The following NOL10 variants were observed in gnomAD, a reference collection of about 807,000 sequenced individuals.
NOL10 encodes the protein H_NH0074G24.1.
In NOL10, 58 loss-of-function variants were observed where a neutral mutation model predicts 103.5. That is an observed-to-expected ratio of 0.56 (90% CI 0.45 to 0.70). The LOEUF (loss-of-function observed/expected upper bound fraction) is 0.70. Among genes scored for constraint, NOL10 ranks in the 30% least tolerant of loss-of-function variants. The pLI, the probability that NOL10 is intolerant of heterozygous loss-of-function variation, is 0.00. For missense variants in NOL10, 763 were observed against 807.3 expected (o/e 0.95, Z 0.67); for synonymous variants, 287 against 282.5 (o/e 1.02, Z -0.16).
intron 13 of NOL10, among the ~76,000 whole-genome samples, chr2:10,638,734 G>A (rs1365651722): frequency 3.4e-5 from 5 of 145,456 alleles, no homozygotes; most frequent in Admixed American, 1.4e-4. Flanking sequence ...CTCGTGATCC[G>A]CCCGCCTTGG....
chr2:10,649,783 A>G (rs745914291), intron 12 of NOL10, among the ~76,000 whole-genome samples: 14 of 152,202 alleles, frequency 9.2e-5, no homozygotes, highest in Non-Finnish European at 1.5e-4. Flanking sequence ...CCTCTGCCAC[A>G]GTGCTGCAAA....
intron 11 of NOL10, among the ~76,000 whole-genome samples, chr2:10,656,789 C>T (rs1371288295): frequency 6.6e-6 from 1 of 152,204 alleles, no homozygotes; most frequent in East Asian, 1.9e-4. Flanking sequence ...TGTTTTTAAA[C>T]TAAAAATGCT....
At chr2:10,679,901 G>A (rs987158491) in intron 3 of NOL10, among the ~76,000 whole-genome samples, 1 of 152,052 alleles carries the variant, frequency 6.6e-6, no homozygotes, top group Non-Finnish European at 1.5e-5. Context: ...GACTACAGGT[G>A]TGAGCCACCC....
chr2:10,608,375 A>G (rs747871334), intron 13 of NOL10, among the ~76,000 whole-genome samples: 7 of 152,240 alleles, frequency 4.6e-5, no homozygotes, highest in Non-Finnish European at 7.3e-5. Context: ...TTCATAAAAT[A>G]CTATGATCAC....
intron 13 of NOL10, among the ~76,000 whole-genome samples, chr2:10,629,709 C>T (rs1177396411): frequency 6.6e-6 from 1 of 152,210 alleles, no homozygotes; most frequent in Non-Finnish European, 1.5e-5. Context: ...AGACCTCTCT[C>T]AATCTATATC....
chr2:10,607,875 CTTTCT>C (rs954988823), intron 13 of NOL10, among the ~76,000 whole-genome samples: 9 of 151,710 alleles, frequency 5.9e-5, no homozygotes, highest in African/African-American at 1.7e-4. Context: ...CCCAAAATTA[CTTTCT>C]TTTAAGATTT....
At chr2:10,611,640 G>A (rs1335687245) in intron 13 of NOL10, among the ~76,000 whole-genome samples, 1 of 152,048 alleles carries the variant, frequency 6.6e-6, no homozygotes, top group African/African-American at 2.4e-5. Context: ...TGTTGGCCAG[G>A]CACAGTGGCT....
intron 12 of NOL10, among the ~76,000 whole-genome samples, chr2:10,651,561 T>C (rs75237471): frequency 0.011 from 1,663 of 152,310 alleles, 19 homozygotes; most frequent in Middle Eastern, 0.02. Context: ...ATCCAATGTA[T>C]ATTTTATACT....
intron 8 of NOL10, among the ~76,000 whole-genome samples, chr2:10,665,950 A>G (rs965412160): frequency 6.6e-6 from 1 of 152,154 alleles, no homozygotes; most frequent in African/African-American, 2.4e-5. Flanking sequence ...TATATTGCAT[A>G]ATGCTGAGGT....
At chr2:10,587,969 C>A (rs187466719) in intron 19 of NOL10, among the ~76,000 whole-genome samples, 78 of 152,284 alleles carry the variant, frequency 5.1e-4, no homozygotes, top group Non-Finnish European at 9.6e-4. Flanking sequence ...TCTTGCTCCA[C>A]CTCAAGACTG....
chr2:10,672,707 G>C (rs554991485), intron 5 of NOL10, among the ~76,000 whole-genome samples: 1 of 152,168 alleles, frequency 6.6e-6, no homozygotes, highest in African/African-American at 2.4e-5. Context: ...AGAGTTGAAA[G>C]ATGGGTCGGG....
In NOL10 at chr2:10,602,886, GAA is replaced by G. The variant is rs750447636; in HGVS notation, c.1234-14_1234-13del. ...ACCATCAGTTTCACCTTTTCAAAATGAAAAAAGTTTTTAAAATAAAAGAATGG... is the reference window on the plus strand; with the variant it reads ...ACCATCAGTTTCACCTTTTCAAAATGAAAAGTTTTTAAAATAAAAGAATGG... On this transcript the variant is annotated splice_polypyrimidine_tract_variant and intron_variant, in intron 15 of 20. Transcript: ENST00000381685. 149 of 1,556,820 alleles carry G rather than the reference GAA, an allele frequency of 9.6e-5. No individual in the cohort carries two copies. Among genetic ancestry groups the G allele is most frequent in the Middle Eastern group, 1.7e-4 (1 of 5,860 alleles).
At chr2:10,682,931 C>T (rs1681884485) in intron 2 of NOL10, among the ~76,000 whole-genome samples, 2 of 152,116 alleles carry the variant, frequency 1.3e-5, no homozygotes, top group Middle Eastern at 3.4e-3. Context: ...GCTACAGGCA[C>T]GCACCACCAT....
intron 13 of NOL10, among the ~76,000 whole-genome samples, chr2:10,637,218 C>CAA (rs1489284032): frequency 2.9e-4 from 36 of 122,506 alleles, no homozygotes; most frequent in African/African-American, 1.0e-3. Flanking sequence ...AAAAAACACA[C>CAA]ACACACACTA....
chr2:10,587,106 T>C (rs1458226576), intron 19 of NOL10, among the ~76,000 whole-genome samples: 1 of 46,938 alleles, frequency 2.1e-5, no homozygotes, highest in South Asian at 4.4e-4. Flanking sequence ...TACACATATA[T>C]ATACATATAT....
chr2:10,636,438 A>C (rs897888040), intron 13 of NOL10, among the ~76,000 whole-genome samples: 1 of 150,172 alleles, frequency 6.7e-6, no homozygotes, highest in Admixed American at 6.6e-5. Context: ...AAAAAAAAAA[A>C]AAAAAAAACA....
At chr2:10,613,194 G>C (rs940171772) in intron 13 of NOL10, among the ~76,000 whole-genome samples, 1 of 152,030 alleles carries the variant, frequency 6.6e-6, no homozygotes, top group Non-Finnish European at 1.5e-5. Flanking sequence ...TATGTTCCAA[G>C]TACAGTATAC....
chr2:10,623,053 A>G (rs971688824), intron 13 of NOL10, among the ~76,000 whole-genome samples: 1 of 151,916 alleles, frequency 6.6e-6, no homozygotes, highest in Non-Finnish European at 1.5e-5. Context: ...ACTGCCTTAA[A>G]TGGGGCCCTC....
At chr2:10,683,291 TAA>T (rs200675170) in intron 2 of NOL10, among the ~76,000 whole-genome samples, 2,584 of 152,302 alleles carry the variant, frequency 0.017, 91 homozygotes, top group African/African-American at 0.059. Context: ...CAAAATTATT[TAA>T]GTTAGAAATT....
Sources: gnomAD v4.1 joint callset for allele counts (sites outside exome capture counted in the v4.1 genomes callset) on GRCh38, gnomAD v4.1.1 for gene constraint, MANE v1.5 for transcripts, NCBI Gene and HGNC (gene_info 2026-07-23, HGNC 2026-07-21) for gene names.